Variants in LRP4 observed in about 807,000 individuals in gnomAD.
The protein encoded by LRP4 is low-density lipoprotein receptor-related protein 4.
LRP4 carries 95 observed loss-of-function variants against 220.3 expected under a neutral mutation model. The observed-to-expected ratio is 0.43, with a 90% CI of 0.37 to 0.51. LRP4 has a LOEUF of 0.51. Ranked by LOEUF, LRP4 falls within the 20% of genes least tolerant of loss-of-function variation. The pLI is 0.00. For synonymous variants in LRP4, 903 were observed against 954.6 expected, an observed-to-expected ratio of 0.95 and a Z score of 1.00; for missense variants, 1,925 against 2,567.0, an observed-to-expected ratio of 0.75 and a Z score of 5.40.
At chr11:46,869,607 T>C (rs1940805032) in intron 31 of LRP4, among the ~76,000 whole-genome samples, 2 of 152,088 alleles carry the variant, frequency 1.3e-5, no homozygotes, top group South Asian at 2.1e-4. Flanking sequence ...TTTACTTCTG[T>C]AGGCAGCTTT....
In LRP4 at chr11:46,875,178, G is replaced by A; in HGVS notation, c.3926-75C>T. Reference sequence around the variant, plus strand: ...AATCTTACAAAGGTCCCAGTTGTTTGTGGCTGGCTCTTTGCTGTTCTAAGT... The same window carrying A: ...AATCTTACAAAGGTCCCAGTTGTTTATGGCTGGCTCTTTGCTGTTCTAAGT... On this transcript the variant is annotated intron_variant, in intron 27 of 37. Coordinates refer to ENST00000378623, the MANE Select transcript of LRP4 (RefSeq NM_002334.4). This position sits in a 1 kb window ranked among gnomAD's most constrained non-coding sequence, Gnocchi z 4.5. The A allele has an allele frequency of 6.8e-7, 1 of 1,476,854 alleles. No homozygotes were observed. Among genetic ancestry groups the A allele is most frequent in the East Asian group, 2.3e-5 (1 of 43,232 alleles). 91.5% of individuals were successfully genotyped at this position (1,476,854 alleles called of 1,614,324 possible). A position where few individuals can be genotyped will look rare whatever the true frequency, so the allele number is the denominator to read the frequency against.
intron 16 of LRP4, among the ~76,000 whole-genome samples, chr11:46,888,384 T>A (rs1396983339): frequency 6.6e-6 from 1 of 151,102 alleles, no homozygotes; most frequent in African/African-American, 2.4e-5. Context: ...AGAAACCCCG[T>A]CCCTACTAAA....
intron 6 of LRP4, 65 bp from the exon 7 acceptor site, chr11:46,898,742 C>G: frequency 6.2e-7 from 1 of 1,610,258 alleles, no homozygotes; most frequent in Admixed American, 1.7e-5. Flanking sequence ...GACTAGAAGG[C>G]CACAGCCCCA....
chr11:46,864,598 AG>A (rs1940647115), intron 35 of LRP4, 63 bp from the exon 36 acceptor site: 3 of 1,108,486 alleles, frequency 2.7e-6, no homozygotes, highest in African/African-American at 1.5e-5. Flanking sequence ...TGCTGGTGTG[AG>A]GAATGGAAAG....
chr11:46,902,962 C>A, intron 1 of LRP4, 33 bp from the exon 2 acceptor site: 1 of 1,613,440 alleles, frequency 6.2e-7, no homozygotes, highest in East Asian at 2.2e-5. Flanking sequence ...AGTGAGGGCT[C>A]AGCTCCCACT....
At chr11:46,862,873 C>T in intron 36 of LRP4, 126 bp from the exon 37 acceptor site, 1 of 796,680 alleles carries the variant, frequency 1.3e-6, no homozygotes, top group East Asian at 2.7e-5. Context: ...TCCTGGTACT[C>T]ATGCCCTTAA....
At position 46,889,857 on chromosome 11, in the gene LRP4, C is replaced by A. The variant is rs151289954; in HGVS notation, c.2092+87G>T. 6.1e-4 allele frequency: 896 copies of A among 1,472,700 alleles called. 4 individuals are homozygous for A. In the African/African-American group the frequency reaches 0.011, roughly 19 times the overall value. 91.2% of individuals were successfully genotyped at this position (1,472,700 alleles called of 1,614,324 possible). ...ATTTCCCCATCAGAAGAAATGGCAA[C>A]TCTAAGGGGAAGGAAGGTTCTCAGA... is the stretch of plus-strand genomic sequence containing the variant. On this transcript the variant is annotated intron_variant, in intron 15 of 37. Coordinates refer to ENST00000378623, the MANE Select transcript of LRP4 (RefSeq NM_002334.4).
intron 23 of LRP4, 142 bp downstream of exon 23, chr11:46,877,057 A>T: frequency 3.9e-6 from 4 of 1,030,722 alleles, no homozygotes; most frequent in Non-Finnish European, 4.6e-6. Flanking sequence ...TGCTAGAGAG[A>T]CAGGGACAGG....
At chr11:46,868,181 G>T in intron 33 of LRP4, 67 bp from the exon 34 acceptor site, 1 of 1,600,166 alleles carries the variant, frequency 6.2e-7, no homozygotes. Context: ...CCCAAGAGTA[G>T]CAGCTGGAGA....
chr11:46,909,271 G>T (rs533084478), intron 1 of LRP4, among the ~76,000 whole-genome samples: 26 of 151,870 alleles, frequency 1.7e-4, no homozygotes, highest in Non-Finnish European at 3.4e-4. Flanking sequence ...TCTGGAGTCT[G>T]GTGGCTACCC....
chr11:46,864,273 G>C (rs191369504), intron 36 of LRP4, among the ~76,000 whole-genome samples, 175 bp downstream of exon 36: 1 of 152,288 alleles, frequency 6.6e-6, no homozygotes, highest in Non-Finnish European at 1.5e-5. Flanking sequence ...GCTGTGACTG[G>C]AGAAGAGTAA....
chr11:46,888,569 A>AAAAAAAAAAAAAAAAAT (rs1941351667), intron 16 of LRP4, among the ~76,000 whole-genome samples: 1 of 150,452 alleles, frequency 6.6e-6, no homozygotes, highest in African/African-American at 2.4e-5. Flanking sequence ...AAAAAAAAAA[A>AAAAAAAAAAAAAAAAAT]AAAAGAATGC....
In LRP4 at chr11:46,876,530, G is replaced by T. The variant is rs886048351; in HGVS notation, c.3472C>A (p.Arg1158=). Residue 1158 remains arginine, a synonymous_variant, in exon 25 of 38, where the codon CGG becomes AGG. Coordinates refer to ENST00000378623, the MANE Select transcript of LRP4 (RefSeq NM_002334.4). ...IEVGNLDGSM[R]KVLVWQNLDS... The stretch of plus-strand genomic sequence containing the variant: ...AGGTTCTGCCACACCAACACTTTCC[G>T]CATGGACCCGTCCAGGTTGCCCACT... The T allele has an allele frequency of 1.9e-6, 3 of 1,614,140 alleles. No homozygotes were observed. The highest frequency in any genetic ancestry group is 2.7e-5 in the African/African-American group (2 of 75,026).
At chr11:46,910,680 C>CTTTTTTTTTT (rs56889464) in intron 1 of LRP4, among the ~76,000 whole-genome samples, 110,662 of 123,710 alleles carry the variant, frequency 0.89, 50,364 homozygotes, top group East Asian at 0.95. Flanking sequence ...TCCTTGCCCC[C>CTTTTTTTTTT]TTTTTTTTTT....
intron 8 of LRP4, 138 bp downstream of exon 8, chr11:46,896,731 G>T: frequency 7.9e-7 from 1 of 1,270,268 alleles, no homozygotes; most frequent in Non-Finnish European, 1.1e-6. Context: ...CAGGCCATAA[G>T]GCCGCAGGTC....
chr11:46,859,925 C>A (rs1418641077), intron 37 of LRP4, among the ~76,000 whole-genome samples: 2 of 152,014 alleles, frequency 1.3e-5, no homozygotes, highest in Non-Finnish European at 2.9e-5. Flanking sequence ...GGAGGTAAGA[C>A]AGGGGACTCT....
At chr11:46,916,701 A>AT (rs532846709) in intron 1 of LRP4, among the ~76,000 whole-genome samples, 2,054 of 142,756 alleles carry the variant, frequency 0.014, 39 homozygotes, top group African/African-American at 0.044. Context: ...TTTAACCCTA[A>AT]TTTTTTTTTT....
Position 46,877,315 on chromosome 11 carries a change from G to A in LRP4, c.3161C>T (p.Ala1054Val). The change falls in exon 23 of 38, where the codon GCC becomes GTC. Residue 1054 changes from alanine (A) to valine (V), a missense_variant. Around this residue, in one of 3 missense-constraint regions of LRP4, gnomAD observed 1,244 missense variants for 1,624.9 expected, o/e 0.77. Coordinates refer to ENST00000378623, the MANE Select transcript of LRP4 (RefSeq NM_002334.4). Reference protein sequence around the residue: ...SPGMNSFLIFARRIDIRMVSL... With the variant: ...SPGMNSFLIFVRRIDIRMVSL... ...GACCATGCGAATGTCTATCCTCCTG[G>A]CGAAGATGAGGAAACTGTTCATGCC... 2 of 1,614,124 alleles carry A rather than the reference G, an allele frequency of 1.2e-6. No homozygotes were observed. Among genetic ancestry groups the A allele is most frequent in the Non-Finnish European group, 1.7e-6 (2 of 1,180,012 alleles).
Position 46,865,106 on chromosome 11 carries a change from A to T in LRP4, c.5155+13T>A. The T allele has an allele frequency of 1.3e-6, 2 of 1,558,126 alleles. No individual in the cohort carries two copies. Among genetic ancestry groups the T allele is most frequent in the Non-Finnish European group, 1.7e-6 (2 of 1,149,672 alleles). On this transcript the variant is annotated intron_variant, in intron 35 of 37. Transcript: ENST00000378623. ...ATCTTCTTTTCCGGAACAGTGGGGTACTCAGGGCTTACCTGGAGCAGCAGG... is the reference window on the plus strand; with the variant it reads ...ATCTTCTTTTCCGGAACAGTGGGGTTCTCAGGGCTTACCTGGAGCAGCAGG...
Sources: gnomAD v4.1 joint callset for allele counts (sites outside exome capture counted in the v4.1 genomes callset) on GRCh38, gnomAD v4.1.1 for gene constraint, gnomAD v4.1.1 regional missense constraint, Gnocchi (gnomAD v3.1) non-coding constraint, MANE v1.5 for transcripts, NCBI Gene and HGNC (gene_info 2026-07-23, HGNC 2026-07-21) for gene names.